The following CDH4 variants were observed in gnomAD, a reference collection of about 807,000 sequenced individuals.
CDH4 encodes cadherin 4.
In CDH4, 33 loss-of-function variants were observed where a neutral mutation model predicts 86.0. That is an observed-to-expected ratio of 0.38 (90% CI 0.29 to 0.51). CDH4 has a LOEUF of 0.51. Among genes scored for constraint, CDH4 ranks in the 20% least tolerant of loss-of-function variants. The pLI, the probability that CDH4 is intolerant of heterozygous loss-of-function variation, is 0.86. For synonymous variants in CDH4, 555 were observed against 549.4 expected (o/e 1.01, Z -0.14); for missense variants, 1,114 against 1,307.4 (o/e 0.85, Z 2.28).
intron 2 of CDH4, among the ~76,000 whole-genome samples, chr20:61,724,196 A>G (rs547859535): frequency 4.6e-5 from 7 of 152,152 alleles, no homozygotes; most frequent in African/African-American, 1.7e-4. Context: ...GTGGGTCCCC[A>G]TACAGGGGGC....
intron 2 of CDH4, among the ~76,000 whole-genome samples, chr20:61,264,181 G>A (rs2084143225): frequency 6.6e-6 from 1 of 152,146 alleles, no homozygotes. Context: ...AGGTGTGTGT[G>A]GGAGTTTCCC....
chr20:61,820,137 C>T (rs750010260), intron 4 of CDH4, among the ~76,000 whole-genome samples: 16 of 152,336 alleles, frequency 1.1e-4, no homozygotes, highest in Non-Finnish European at 1.3e-4. Flanking sequence ...CTTCCCAAAC[C>T]GGTTTTGCCC....
chr20:61,617,570 C>A (rs967461809), intron 2 of CDH4, among the ~76,000 whole-genome samples: 1 of 152,208 alleles, frequency 6.6e-6, no homozygotes, highest in African/African-American at 2.4e-5. Context: ...CTTCGTGCCC[C>A]TTCGTGGGTC....
intron 2 of CDH4, among the ~76,000 whole-genome samples, chr20:61,376,714 C>A (rs954340274): frequency 2.6e-5 from 4 of 152,186 alleles, no homozygotes; most frequent in Non-Finnish European, 4.4e-5. Context: ...CCCGTTTTTC[C>A]CATCTGTCTC....
chr20:61,822,906 AG>A (rs1330090073), intron 4 of CDH4, among the ~76,000 whole-genome samples: 1 of 139,378 alleles, frequency 7.2e-6, no homozygotes, highest in African/African-American at 2.5e-5. Flanking sequence ...CGAAGATCCC[AG>A]GTAACCCAAC....
At chr20:61,595,902 A>C (rs2254184) in intron 2 of CDH4, among the ~76,000 whole-genome samples, 117,443 of 152,202 alleles carry the variant, frequency 0.77, 45,299 homozygotes, top group Admixed American at 0.82. Flanking sequence ...TTCCCATAAA[A>C]CCCTGCCTCA....
intron 2 of CDH4, among the ~76,000 whole-genome samples, chr20:61,298,390 C>CA (rs1045272791): frequency 6.6e-6 from 1 of 152,122 alleles, no homozygotes; most frequent in Non-Finnish European, 1.5e-5. Flanking sequence ...GAGGACCCAC[C>CA]ACTCAGCAGG....
chr20:61,503,727 A>G (rs956025102), intron 2 of CDH4, among the ~76,000 whole-genome samples: 5 of 152,274 alleles, frequency 3.3e-5, no homozygotes, highest in African/African-American at 9.6e-5. Context: ...CTTATTTATC[A>G]TTAACTAAAT....
Position 61,284,529 on chromosome 20 carries a change from C to T in CDH4, c.169+29592C>T, listed in dbSNP as rs559984230. ...CTCCGGGGCTGTTTGTGACTTGTTT[C>T]GTATAGTCCTGGTGCCTTCTTAGAG... On this transcript the variant is annotated intron_variant, in intron 2 of 15. Coordinates refer to ENST00000614565, the MANE Select transcript of CDH4 (RefSeq NM_001794.5). 1.0e-3 allele frequency among the ~76,000 whole-genome samples: 158 copies of T among 152,306 alleles called. 1 individual carries two copies. The highest frequency in any genetic ancestry group is 2.0e-3 in the Non-Finnish European group (138 of 68,024).
intron 2 of CDH4, among the ~76,000 whole-genome samples, chr20:61,271,996 C>A (rs543434186): frequency 8.3e-4 from 127 of 152,280 alleles, no homozygotes; most frequent in African/African-American, 3.0e-3. Flanking sequence ...AGCGGGGGAC[C>A]GGGAGGCAAG....
intron 3 of CDH4, among the ~76,000 whole-genome samples, chr20:61,755,527 C>T (rs548422322): frequency 5.8e-4 from 86 of 148,866 alleles, no homozygotes; most frequent in African/African-American, 2.1e-3. Flanking sequence ...ACACACCACA[C>T]ACACCATATA....
intron 2 of CDH4, among the ~76,000 whole-genome samples, chr20:61,333,264 T>TAC (rs11467480): frequency 0.037 from 5,551 of 151,064 alleles, 133 homozygotes; most frequent in Middle Eastern, 0.062. Context: ...CACACACATG[T>TAC]ACACACACAC....
chr20:61,619,230 T>G (rs1479444487), intron 2 of CDH4, among the ~76,000 whole-genome samples: 1 of 152,126 alleles, frequency 6.6e-6, no homozygotes, highest in Non-Finnish European at 1.5e-5. Context: ...GGACACTTGC[T>G]GGATGAAACT....
chr20:61,521,535 G>A (rs73917938), intron 2 of CDH4, among the ~76,000 whole-genome samples: 1 of 152,172 alleles, frequency 6.6e-6, no homozygotes, highest in South Asian at 2.1e-4. Context: ...CACTCTCCAG[G>A]GGGCCGCCAA....
chr20:61,555,178 A>T (rs940398663), intron 2 of CDH4, among the ~76,000 whole-genome samples: 2 of 152,188 alleles, frequency 1.3e-5, no homozygotes, highest in Non-Finnish European at 1.5e-5. Flanking sequence ...TTACAATACA[A>T]GTTGTAGCTG....
intron 2 of CDH4, among the ~76,000 whole-genome samples, chr20:61,646,562 G>T (rs1167732996): frequency 6.6e-6 from 1 of 152,228 alleles, no homozygotes; most frequent in Non-Finnish European, 1.5e-5. Flanking sequence ...TAGAGAGAAC[G>T]GGGTTGCTGT....
chr20:61,884,030 A>ATCGCTGCCTGGAACTGGGAC (rs781234017), intron 7 of CDH4, among the ~76,000 whole-genome samples: 80 of 152,264 alleles, frequency 5.3e-4, no homozygotes, highest in Non-Finnish European at 8.2e-4. Context: ...CGAGGGAGGA[A>ATCGCTGCCTGGAACTGGGAC]TCGCTGCCTG....
chr20:61,464,684 A>G (rs374006110), intron 2 of CDH4, among the ~76,000 whole-genome samples: 93 of 152,302 alleles, frequency 6.1e-4, no homozygotes, highest in African/African-American at 1.9e-3. Flanking sequence ...ATCCGGTCCT[A>G]TTAACAGCCT....
intron 2 of CDH4, among the ~76,000 whole-genome samples, chr20:61,611,724 G>T (rs2086686772): frequency 6.6e-6 from 1 of 152,168 alleles, no homozygotes; most frequent in Non-Finnish European, 1.5e-5. Context: ...CTGTAGCCAA[G>T]CCGCTTGGGG....
Sources: allele counts gnomAD v4.1 joint callset (sites outside exome capture counted in the v4.1 genomes callset), GRCh38; gene constraint gnomAD v4.1.1; transcripts MANE v1.5; gene names NCBI Gene and HGNC (gene_info 2026-07-23, HGNC 2026-07-21).